Variants in CPNE4 observed in about 807,000 individuals in gnomAD.
CPNE4 encodes the protein copine 4, also known as copine-4.
In CPNE4, 25 loss-of-function variants were observed where a neutral mutation model predicts 67.9. The observed-to-expected ratio is 0.37, with a 90% CI of 0.27 to 0.51. CPNE4 has a LOEUF of 0.51. CPNE4 is among the 20% of genes least tolerant of loss of function. The pLI is 0.93. For missense variants in CPNE4, 464 were observed against 690.8 expected (o/e 0.67, Z 3.68); for synonymous variants, 242 against 244.9 (o/e 0.99, Z 0.11).
chr3:132,002,996 T>C (rs2073495177), intron 1 of CPNE4, among the ~76,000 whole-genome samples: 1 of 152,096 alleles, frequency 6.6e-6, no homozygotes. Flanking sequence ...ATTCCAGACC[T>C]ACTGAGTCAG....
upstream of CPNE4, among the ~76,000 whole-genome samples, chr3:132,036,349 T>G (rs2074338345): frequency 6.6e-6 from 1 of 152,100 alleles, no homozygotes; most frequent in African/African-American, 2.4e-5. Context: ...TTCCACAATG[T>G]CTAGGAGCAT....
At chr3:132,023,278 A>G (rs553025717) in intron 1 of CPNE4, among the ~76,000 whole-genome samples, 39 of 152,244 alleles carry the variant, frequency 2.6e-4, no homozygotes, top group African/African-American at 8.7e-4. Context: ...CTTCCTTTGC[A>G]GTGCCGTGTA....
intron 2 of CPNE4, among the ~76,000 whole-genome samples, chr3:131,736,020 T>C (rs543350001): frequency 7.9e-5 from 12 of 152,278 alleles, no homozygotes; most frequent in Non-Finnish European, 1.3e-4. Context: ...ATAGCTGGGT[T>C]TCTTCACAGC....
intron 1 of CPNE4, among the ~76,000 whole-genome samples, chr3:132,027,028 G>C (rs753685091): frequency 1.3e-5 from 2 of 152,210 alleles, no homozygotes; most frequent in Non-Finnish European, 2.9e-5. Flanking sequence ...TTGCAACCCT[G>C]TGATTTCTTG....
intron 7 of CPNE4, among the ~76,000 whole-genome samples, chr3:131,592,301 G>A (rs1938579606): frequency 6.6e-6 from 1 of 152,158 alleles, no homozygotes; most frequent in South Asian, 2.1e-4. Flanking sequence ...TGAGGAAACT[G>A]AGGCACAGAA....
At chr3:131,751,865 C>A (rs2082637525) in intron 2 of CPNE4, among the ~76,000 whole-genome samples, 2 of 151,394 alleles carry the variant, frequency 1.3e-5, no homozygotes, top group Admixed American at 1.3e-4. Context: ...GATAGAAGTC[C>A]AAATTCTCTA....
chr3:131,863,306 C>A (rs2086776282), intron 2 of CPNE4, among the ~76,000 whole-genome samples: 1 of 152,068 alleles, frequency 6.6e-6, no homozygotes, highest in South Asian at 2.1e-4. Context: ...AATGGTTGAA[C>A]TAGTTTACAG....
chr3:131,570,989 T>G (rs1937307564), intron 10 of CPNE4, among the ~76,000 whole-genome samples: 1 of 151,608 alleles, frequency 6.6e-6, no homozygotes, highest in African/African-American at 2.4e-5. Context: ...GTTAACTTCT[T>G]GAATGAATAC....
At chr3:131,595,741 C>T (rs1938802830) in intron 7 of CPNE4, among the ~76,000 whole-genome samples, 2 of 152,176 alleles carry the variant, frequency 1.3e-5, no homozygotes. Flanking sequence ...GAAGACTCCA[C>T]CCCTATGACC....
At chr3:131,986,156 GC>G (rs78984936) in intron 1 of CPNE4, among the ~76,000 whole-genome samples, 11,516 of 151,238 alleles carry the variant, frequency 0.076, 454 homozygotes, top group East Asian at 0.14. Context: ...ACCAGATTAA[GC>G]CCTTCTCCTT....
At chr3:131,655,817 T>C (rs2079943731) in intron 7 of CPNE4, among the ~76,000 whole-genome samples, 1 of 152,166 alleles carries the variant, frequency 6.6e-6, no homozygotes, top group South Asian at 2.1e-4. Context: ...AAAATCTCAT[T>C]GCTTAAAGGT....
At chr3:131,623,972 C>T (rs917117398) in intron 7 of CPNE4, among the ~76,000 whole-genome samples, 2 of 152,158 alleles carry the variant, frequency 1.3e-5, no homozygotes, top group African/African-American at 2.4e-5. Flanking sequence ...AGCTCCTTTT[C>T]TCCTTATTTG....
chr3:131,855,044 G>A (rs894231765), intron 2 of CPNE4, among the ~76,000 whole-genome samples: 2 of 151,946 alleles, frequency 1.3e-5, no homozygotes, highest in Admixed American at 6.6e-5. Flanking sequence ...CAAGAATCCA[G>A]TGAAAAGCCA....
chr3:131,964,771 G>C (rs918524807), intron 1 of CPNE4, among the ~76,000 whole-genome samples: 1 of 152,070 alleles, frequency 6.6e-6, no homozygotes, highest in South Asian at 2.1e-4. Flanking sequence ...AAGTGATGAG[G>C]AGAATGGAAC....
chr3:131,869,087 T>C (rs1193731726), intron 2 of CPNE4, among the ~76,000 whole-genome samples: 1 of 152,166 alleles, frequency 6.6e-6, no homozygotes, highest in African/African-American at 2.4e-5. Context: ...TTTTAGGAAA[T>C]AGAAAAAGAA....
chr3:131,755,079 T>A (rs1187992626), intron 2 of CPNE4, among the ~76,000 whole-genome samples: 3 of 152,166 alleles, frequency 2.0e-5, no homozygotes, highest in Non-Finnish European at 4.4e-5. Flanking sequence ...TATAAATACA[T>A]AAATATGATT....
intron 7 of CPNE4, among the ~76,000 whole-genome samples, chr3:131,668,369 C>T (rs756780357): frequency 1.3e-5 from 2 of 152,170 alleles, no homozygotes; most frequent in Non-Finnish European, 2.9e-5. Flanking sequence ...TGTCCAGCTA[C>T]CCAGCTAACA....
At chr3:131,967,878 A>G (rs2072396379) in intron 1 of CPNE4, among the ~76,000 whole-genome samples, 1 of 152,192 alleles carries the variant, frequency 6.6e-6, no homozygotes, top group African/African-American at 2.4e-5. Context: ...ATGTGGAACC[A>G]AAAAAGAGCT....
intron 1 of CPNE4, among the ~76,000 whole-genome samples, chr3:131,944,981 A>G (rs2071507605): frequency 6.6e-6 from 1 of 152,146 alleles, no homozygotes; most frequent in African/African-American, 2.4e-5. Flanking sequence ...CTAGTTCCAA[A>G]AATTGGGCAT....
Sources: allele counts gnomAD v4.1 joint callset (sites outside exome capture counted in the v4.1 genomes callset), GRCh38; gene constraint gnomAD v4.1.1; transcripts MANE v1.5; gene names NCBI Gene and HGNC (gene_info 2026-07-23, HGNC 2026-07-21).